Variants in RNF213 observed in about 807,000 individuals in gnomAD.
The protein encoded by RNF213 is E3 ubiquitin-protein ligase RNF213.
Under a neutral mutation model 514.4 loss-of-function variants are expected in RNF213, and 341 were observed. That is an observed-to-expected ratio of 0.66 (90% CI 0.61 to 0.73). The LOEUF (loss-of-function observed/expected upper bound fraction) is 0.73, where lower values mean the gene tolerates loss of function less well. Among genes scored for constraint, RNF213 ranks in the 30% least tolerant of loss-of-function variants. The pLI, the probability that RNF213 is intolerant of heterozygous loss-of-function variation, is 0.00. For synonymous variants in RNF213, 2,655 were observed against 2,658.2 expected (o/e 1.00, Z 0.04); for missense variants, 5,767 against 6,615.6 (o/e 0.87, Z 4.45).
At chr17:80,310,864 T>A (rs1011601481) in intron 14 of RNF213, among the ~76,000 whole-genome samples, 8 of 152,256 alleles carry the variant, frequency 5.3e-5, no homozygotes, top group Admixed American at 2.0e-4. Context: ...TCATTTTTTT[T>A]AATCTTACTT....
rs8067292 is a variant in RNF213, at chr17:80,360,040, T to C, written c.11055-21T>C. 0.56 allele frequency: 907,595 copies of C among 1,611,442 alleles called. 262,141 individuals are homozygous for C. The highest frequency in any genetic ancestry group is 0.6 in the Non-Finnish European group (701,560 of 1,178,060). On this transcript the variant is annotated intron_variant, in intron 37 of 67. Transcript: ENST00000582970. ...TGACGTCTCACAAACCCTCTTCTTATCATCCCTCACCTTATTGCAGACATA... is the reference window on the plus strand; with the variant it reads ...TGACGTCTCACAAACCCTCTTCTTACCATCCCTCACCTTATTGCAGACATA...
intron 46 of RNF213, among the ~76,000 whole-genome samples, chr17:80,370,618 T>C (rs2079478954): frequency 6.6e-6 from 1 of 152,198 alleles, no homozygotes. Flanking sequence ...TCTTGACTCT[T>C]GAGGATTTGA....
intron 51 of RNF213, 30 bp from the exon 52 acceptor site, chr17:80,376,271 C>T: frequency 6.2e-7 from 1 of 1,612,846 alleles, no homozygotes; most frequent in South Asian, 1.1e-5. Context: ...TTCTTTGATA[C>T]ATCTTAATGT....
chr17:80,302,009 G>A (rs919668475), intron 11 of RNF213, among the ~76,000 whole-genome samples: 4 of 152,182 alleles, frequency 2.6e-5, no homozygotes, highest in South Asian at 2.1e-4. Flanking sequence ...AGGAGATTAC[G>A]TTAAGTGAAA....
intron 17 of RNF213, chr17:80,319,613 C>T: frequency 6.5e-7 from 1 of 1,537,036 alleles, no homozygotes; most frequent in East Asian, 2.4e-5. Flanking sequence ...TCAGATGGCC[C>T]TGTCATCACT....
rs1488557077 is a variant in RNF213, at chr17:80,288,496, C to T, written c.810+133C>T. On this transcript the variant is annotated intron_variant, in intron 4 of 67. Coordinates refer to ENST00000582970, the MANE Select transcript of RNF213 (RefSeq NM_001256071.3). This position sits in a 1 kb window ranked among gnomAD's most constrained non-coding sequence, Gnocchi z 4.9. ...TGGGCCCTGCTCCCTGGGTGGGAGT[C>T]GGAGGGCTGCCCCTCCACTGGGGAT... is the stretch of plus-strand genomic sequence containing the variant. 1.9e-6 allele frequency: 3 copies of T among 1,591,302 alleles called. No individual in the cohort carries two copies. Among genetic ancestry groups the T allele is most frequent in the African/African-American group, 1.3e-5 (1 of 74,668 alleles).
chr17:80,323,485 T>C (rs1337468035), intron 17 of RNF213, among the ~76,000 whole-genome samples: 5 of 152,278 alleles, frequency 3.3e-5, no homozygotes, highest in South Asian at 2.1e-4. Flanking sequence ...TTGGAGAGCA[T>C]TGCCATCTTA....
intron 1 of RNF213, among the ~76,000 whole-genome samples, chr17:80,261,671 G>A (rs1353038492): frequency 1.3e-5 from 2 of 152,246 alleles, no homozygotes; most frequent in African/African-American, 2.4e-5. Flanking sequence ...ACAGTGTTGG[G>A]TGCCTGGGGC....
In RNF213 at chr17:80,302,029, C is replaced by T. The variant is rs796704746; in HGVS notation, c.2210+3511C>T. Among the ~76,000 whole-genome samples the T allele has an allele frequency of 9.2e-5, 14 of 152,178 alleles. 1 individual carries two copies. Among genetic ancestry groups the T allele is most frequent in the Admixed American group, 2.6e-4 (4 of 15,276 alleles). On this transcript the variant is annotated intron_variant, in intron 11 of 67. Coordinates refer to ENST00000582970, the MANE Select transcript of RNF213 (RefSeq NM_001256071.3). ...ATTACGTTAAGTGAAATAAGCCAGG[C>T]GCAGAAAGAGAAATACTGCATATTC...
intron 32 of RNF213, chr17:80,352,299 A>T (rs2078551854): frequency 4.9e-6 from 1 of 204,304 alleles, no homozygotes; most frequent in Non-Finnish European, 1.0e-5. Context: ...CCATGAAAAC[A>T]TGAATCCTGG....
In RNF213 at chr17:80,343,378, C is replaced by T. The variant is rs1332355132; in HGVS notation, c.6183+53C>T. On this transcript the variant is annotated intron_variant, in intron 27 of 67. Coordinates refer to ENST00000582970, the MANE Select transcript of RNF213 (RefSeq NM_001256071.3). This position sits in a 1 kb window ranked among gnomAD's most constrained non-coding sequence, Gnocchi z 4.3. Reference sequence around the variant, plus strand: ...GCCACATCAGTAAAGACGTGGTCCCCATGTCTCTGCGTGACTCCTCCCCGT... The same window carrying T: ...GCCACATCAGTAAAGACGTGGTCCCTATGTCTCTGCGTGACTCCTCCCCGT... 8.7e-6 allele frequency: 13 copies of T among 1,488,954 alleles called. No homozygotes were observed. The highest frequency in any genetic ancestry group is 4.2e-5 in the African/African-American group (3 of 72,078). The allele number at this position is 1,488,954 out of a possible 1,614,324, so 92.2% of individuals were successfully genotyped here. A position where few individuals can be genotyped will look rare whatever the true frequency, so the allele number is the denominator to read the frequency against.
intron 2 of RNF213, among the ~76,000 whole-genome samples, chr17:80,267,594 A>C (rs78930901): frequency 0.021 from 3,123 of 152,262 alleles, 116 homozygotes; most frequent in African/African-American, 0.071. Flanking sequence ...GTAAAGCCCT[A>C]ACTCTCCTGT....
chr17:80,353,823 T>C lies in RNF213; in HGVS notation c.10578+157T>C. ...CCTCACACAGTGACGGTCTTGTTGC[T>C]GGTTACTGGGGGTCAAGGGCATCTG... On this transcript the variant is annotated intron_variant, in intron 34 of 67. Transcript: ENST00000582970. This position sits in a 1 kb window ranked among gnomAD's most constrained non-coding sequence, Gnocchi z 5.0. 1 of 1,242,326 alleles carries C rather than the reference T, an allele frequency of 8.0e-7. No homozygotes were observed. The highest frequency in any genetic ancestry group is 1.2e-6 in the Non-Finnish European group (1 of 863,566). The allele number at this position is 1,242,326 out of a possible 1,614,324, so 77.0% of individuals were successfully genotyped here.
intron 13 of RNF213, among the ~76,000 whole-genome samples, chr17:80,308,677 GTTTC>G (rs1216411326): frequency 6.6e-6 from 1 of 151,966 alleles, no homozygotes; most frequent in Non-Finnish European, 1.5e-5. Context: ...CCTCCTTTCT[GTTTC>G]TTTCTGAATA....
intron 3 of RNF213, among the ~76,000 whole-genome samples, chr17:80,276,927 T>A (rs1002512362): frequency 1.3e-5 from 2 of 151,520 alleles, no homozygotes; most frequent in Non-Finnish European, 2.9e-5. Flanking sequence ...CGTGGTGGCG[T>A]ATGCCTGTAA....
At chr17:80,287,731 G>T in intron 3 of RNF213, 84 bp from the exon 4 acceptor site, 1 of 1,402,480 alleles carries the variant, frequency 7.1e-7, no homozygotes, top group Non-Finnish European at 1.0e-6. Context: ...TGTAGTTGAG[G>T]AACGGAAGAG....
intron 54 of RNF213, among the ~76,000 whole-genome samples, chr17:80,379,141 C>T (rs890203931): frequency 2.0e-5 from 3 of 152,074 alleles, no homozygotes; most frequent in Admixed American, 6.5e-5. Context: ...TGTAGTGAGC[C>T]GTGATGGTGC....
Position 80,371,853 on chromosome 17 carries a change from A to T in RNF213, c.12426-21A>T, listed in dbSNP as rs186658498. 8.8e-5 allele frequency: 107 copies of T among 1,216,088 alleles called. 1 individual carries two copies. The Admixed American group carries it at 1.8e-3, about 20-fold the overall frequency. The allele number at this position is 1,216,088 out of a possible 1,614,324, so 75.3% of individuals were successfully genotyped here. On this transcript the variant is annotated intron_variant, in intron 46 of 67. Transcript: ENST00000582970. ...GTCTCCAGATCTGAGAGAACCAGGA[A>T]TAATATTTCTCTTTCTGCAGCTTTC...
Position 80,347,230 on chromosome 17 carries a change from T to C in RNF213, c.8895T>C (p.Ala2965=), listed in dbSNP as rs760992896. The part of the protein sequence containing the change: ...DYYSLIKMVF[A]AAKASNRKPS... ...ACAGCCTCATCAAAATGGTCTTTGC[T>C]GCAGCAAAGGCTTCAAATAGAAAGC... is the stretch of plus-strand genomic sequence containing the variant. The change falls in exon 29 of 68, where the codon GCT becomes GCC. Residue 2965 remains alanine (A), a synonymous_variant. Transcript: ENST00000582970. The surrounding 1 kb of genome is among the most constrained non-coding windows in gnomAD (Gnocchi z 7.2). 7.4e-6 allele frequency: 12 copies of C among 1,613,398 alleles called. No individual in the cohort carries two copies. The highest frequency in any genetic ancestry group is 3.3e-5 in the Admixed American group (2 of 59,908).
Sources: allele counts gnomAD v4.1 joint callset (sites outside exome capture counted in the v4.1 genomes callset), GRCh38; gene constraint gnomAD v4.1.1; non-coding constraint Gnocchi (gnomAD v3.1); transcripts MANE v1.5; gene names NCBI Gene and HGNC (gene_info 2026-07-23, HGNC 2026-07-21).